ZNF75A: variants seen among roughly 807,000 people sequenced by gnomAD.
ZNF75A encodes the protein zinc finger protein 75A.
Under a neutral mutation model 46.3 loss-of-function variants are expected in ZNF75A, and 36 were observed. That is an observed-to-expected ratio of 0.78 (90% CI 0.60 to 1.03). ZNF75A has a LOEUF of 1.03. Among genes scored for constraint, ZNF75A ranks in the 50% least tolerant of loss-of-function variants. The pLI is 0.00. For synonymous variants in ZNF75A, 234 were observed against 189.9 expected (o/e 1.23, Z -1.91); for missense variants, 595 against 551.3 (o/e 1.08, Z -0.79).
At chr16:3,322,505 G>C (rs532516078), downstream of ZNF75A, among the ~76,000 whole-genome samples, 1 of 152,112 alleles carries the variant, frequency 6.6e-6, no homozygotes, top group Non-Finnish European at 1.5e-5. Flanking sequence ...AAAGCAGTTC[G>C]CCTAGTCTGA....
chr16:3,306,380 G>A (rs1256501735), intron 1 of ZNF75A: 1 of 152,100 alleles, frequency 6.6e-6, no homozygotes, highest in Non-Finnish European at 1.5e-5. Context: ...TGTAAACAGA[G>A]GTCAGCTGTA....
downstream of ZNF75A, chr16:3,323,265 G>C (rs1209195293): frequency 1.2e-6 from 1 of 816,624 alleles, no homozygotes; most frequent in Non-Finnish European, 2.1e-6. Context: ...GAAGCCCACT[G>C]TATTTTTGGT....
chr16:3,306,834 T>C (rs1149483), intron 1 of ZNF75A: 76,735 of 152,012 alleles, frequency 0.5, 21,225 homozygotes, highest in African/African-American at 0.71. Flanking sequence ...ACTTTTTTAC[T>C]TTCTGTAGTA....
At chr16:3,313,473 A>G (rs1182232144) in intron 5 of ZNF75A, among the ~76,000 whole-genome samples, 1 of 152,228 alleles carries the variant, frequency 6.6e-6, no homozygotes, top group East Asian at 1.9e-4. Context: ...GGCTCAAGGC[A>G]TACAAAGTAA....
downstream of ZNF75A, among the ~76,000 whole-genome samples, chr16:3,321,729 A>C (rs897332207): frequency 6.6e-6 from 1 of 152,142 alleles, no homozygotes; most frequent in African/African-American, 2.4e-5. Context: ...TTGGCCTCCC[A>C]AAGTACTGAG....
At chr16:3,319,103 C>T (rs990774286), downstream of ZNF75A, among the ~76,000 whole-genome samples, 1 of 152,082 alleles carries the variant, frequency 6.6e-6, no homozygotes, top group African/African-American at 2.4e-5. Context: ...TAACTGACCT[C>T]TTCCAAACCT....
At position 3,317,929 on chromosome 16, in the gene ZNF75A, A is replaced by G; in HGVS notation, c.*60A>G. 2 of 1,502,334 alleles carry G rather than the reference A, an allele frequency of 1.3e-6. No individual in the cohort carries two copies. Among genetic ancestry groups the G allele is most frequent in the South Asian group, 2.7e-5 (2 of 72,902 alleles). 93.1% of individuals were successfully genotyped at this position (1,502,334 alleles called of 1,614,324 possible). Reference sequence around the variant, plus strand: ...ATTCACCAAATGGAGCTTGGCACTAAAATTTATGTAAAAGAAAAATCACAA... The same window carrying G: ...ATTCACCAAATGGAGCTTGGCACTAGAATTTATGTAAAAGAAAAATCACAA... On this transcript the variant is annotated 3_prime_UTR_variant, in exon 7 of 7. Transcript: ENST00000669516.
In ZNF75A at chr16:3,318,610, C is replaced by A. The variant is rs191163757; in HGVS notation, c.*741C>A. ...TTGCAATGTCAGTAGGATAAAGCAGCTATAAAAATTAGTACTTGCCCAAGG... is the reference window on the plus strand; with the variant it reads ...TTGCAATGTCAGTAGGATAAAGCAGATATAAAAATTAGTACTTGCCCAAGG... On this transcript the variant is annotated 3_prime_UTR_variant, in exon 7 of 7. Transcript: ENST00000669516. 2.4e-4 allele frequency: 238 copies of A among 985,272 alleles called. 1 individual carries two copies. The highest frequency in any genetic ancestry group is 5.2e-4 in the Middle Eastern group (1 of 1,936). 61.0% of individuals were successfully genotyped at this position (985,272 alleles called of 1,614,324 possible).
At chr16:3,311,081 C>A in intron 2 of ZNF75A, 2 of 428,192 alleles carry the variant, frequency 4.7e-6, no homozygotes, top group Non-Finnish European at 6.2e-6. Flanking sequence ...AACTAGAAGA[C>A]AGAAAACCAC....
At chr16:3,319,783 A>T (rs945728057), downstream of ZNF75A, among the ~76,000 whole-genome samples, 13 of 133,330 alleles carry the variant, frequency 9.8e-5, no homozygotes, top group Non-Finnish European at 1.1e-4. Flanking sequence ...GAAGCTTTTC[A>T]TTTTTTTTTT....
chr16:3,320,962 C>T (rs2029918015), downstream of ZNF75A, among the ~76,000 whole-genome samples: 1 of 152,140 alleles, frequency 6.6e-6, no homozygotes. Flanking sequence ...AGTGAGAATC[C>T]TCCAGGGGGA....
downstream of ZNF75A, chr16:3,318,923 C>G: frequency 2.4e-6 from 2 of 830,456 alleles, no homozygotes; most frequent in Non-Finnish European, 2.9e-6. Context: ...CTCTACCTGT[C>G]TTTGTTCTTT....
At chr16:3,306,066 CT>C (rs1960200419) in intron 1 of ZNF75A, 1 of 152,210 alleles carries the variant, frequency 6.6e-6, no homozygotes, top group Non-Finnish European at 1.5e-5. Flanking sequence ...GGAAGTGTCT[CT>C]TTGCTTCTGG....
downstream of ZNF75A, among the ~76,000 whole-genome samples, chr16:3,320,116 G>C (rs1011855930): frequency 5.9e-5 from 9 of 152,040 alleles, no homozygotes; most frequent in Non-Finnish European, 1.2e-4. Context: ...CGCAATGTCA[G>C]CTCACTGCAA....
chr16:3,312,074 T>C lies in ZNF75A; in HGVS notation c.604+126T>C, dbSNP rs113560195. 1.9e-3 allele frequency: 564 copies of C among 291,476 alleles called. 6 individuals are homozygous for C. The highest frequency in any genetic ancestry group is 0.012 in the African/African-American group (522 of 43,984). 18.1% of individuals were successfully genotyped at this position (291,476 alleles called of 1,614,324 possible). On this transcript the variant is annotated intron_variant, in intron 3 of 6. Transcript: ENST00000669516. ...TTGTAAAACCAGCCTTGATAGCAACTATGATGTCCTTCCAGGCAGCAGTAG... is the reference window on the plus strand; with the variant it reads ...TTGTAAAACCAGCCTTGATAGCAACCATGATGTCCTTCCAGGCAGCAGTAG...
chr16:3,313,320 C>G (rs1201738667), intron 5 of ZNF75A, 145 bp downstream of exon 5: 5 of 761,352 alleles, frequency 6.6e-6, no homozygotes, highest in Non-Finnish European at 1.0e-5. Context: ...GTAGTGTATC[C>G]AGATCACCTG....
intron 4 of ZNF75A, 69 bp downstream of exon 4, chr16:3,312,837 G>A (rs752980324): frequency 7.4e-6 from 9 of 1,208,640 alleles, no homozygotes; most frequent in Non-Finnish European, 8.7e-6. Flanking sequence ...TGTCCAGGAG[G>A]GGTTCAGAGG....
In ZNF75A at chr16:3,318,730, T is replaced by TA. The variant is rs1356191502; in HGVS notation, c.*863dup. On this transcript the variant is annotated 3_prime_UTR_variant, in exon 7 of 7. Coordinates refer to ENST00000669516, the MANE Select transcript of ZNF75A (RefSeq NM_001302109.2). ...TCTTTGTTGTTAAGAATGAGAGACT[T>TA]AATTTCCATGGGAGTTGGAGTGTGT... is the stretch of plus-strand genomic sequence containing the variant. The TA allele has an allele frequency of 1.0e-6, 1 of 985,340 alleles. No homozygotes were observed. The highest frequency in any genetic ancestry group is 1.7e-5 in the African/African-American group (1 of 57,230). 61.0% of individuals were successfully genotyped at this position (985,340 alleles called of 1,614,324 possible). A position where few individuals can be genotyped will look rare whatever the true frequency, so the allele number is the denominator to read the frequency against.
At chr16:3,319,014 C>A (rs186967643), downstream of ZNF75A, among the ~76,000 whole-genome samples, 3 of 152,296 alleles carry the variant, frequency 2.0e-5, no homozygotes, top group African/African-American at 7.2e-5. Context: ...GATTTTCTTA[C>A]AACTTGCTTG....
Sources: allele counts gnomAD v4.1 joint callset (sites outside exome capture counted in the v4.1 genomes callset), GRCh38; gene constraint gnomAD v4.1.1; transcripts MANE v1.5; gene names NCBI Gene and HGNC (gene_info 2026-07-23, HGNC 2026-07-21).